ERC1: variants seen among roughly 807,000 people sequenced by gnomAD.
The protein encoded by ERC1 is RAB6 interacting protein 2.
ERC1 carries 56 observed loss-of-function variants against 132.0 expected under a neutral mutation model. The ratio of observed to expected loss-of-function variants is 0.42; its 90% CI spans 0.34 to 0.53. The LOEUF (loss-of-function observed/expected upper bound fraction) is 0.53. Among genes scored for constraint, ERC1 ranks in the 20% least tolerant of loss-of-function variants. ERC1 has a pLI of 0.03. For missense variants in ERC1, 1,202 were observed against 1,349.9 expected, an observed-to-expected ratio of 0.89 and a Z score of 1.72; for synonymous variants, 478 against 476.1, an observed-to-expected ratio of 1.00 and a Z score of -0.05.
rs372223134 is a variant in ERC1, at chr12:1,121,749, C to G, written c.1569+5716C>G. Among the ~76,000 whole-genome samples, 16 of 5,894 alleles carry G rather than the reference C, an allele frequency of 2.7e-3. 3 individuals carry two copies. Among genetic ancestry groups the G allele is most frequent in the Non-Finnish European group, 9.7e-3 (14 of 1,436 alleles). The allele number at this position is 5,894 out of a possible 152,430, so 3.9% of individuals were successfully genotyped here. On this transcript the variant is annotated intron_variant, in intron 7 of 18. Coordinates refer to ENST00000360905, the MANE Select transcript of ERC1 (RefSeq NM_178040.4). The stretch of plus-strand genomic sequence containing the variant: ...TCTCTATCTCTATCTCTATCTATCT[C>G]TATCTCTATCTCTATCTATCTCTAT...
chr12:1,355,044 G>T (rs1014774244), intron 15 of ERC1, among the ~76,000 whole-genome samples: 2 of 152,186 alleles, frequency 1.3e-5, no homozygotes, highest in African/African-American at 4.8e-5. Context: ...TCCATGATCA[G>T]TTAAGTTTGG....
At chr12:1,147,391 T>G (rs981677463) in intron 8 of ERC1, among the ~76,000 whole-genome samples, 1 of 152,186 alleles carries the variant, frequency 6.6e-6, no homozygotes, top group Non-Finnish European at 1.5e-5. Context: ...TTTATTTTAT[T>G]TTATTGGTAT....
At chr12:1,300,103 G>T (rs1226977716) in intron 15 of ERC1, among the ~76,000 whole-genome samples, 2 of 152,122 alleles carry the variant, frequency 1.3e-5, no homozygotes, top group Non-Finnish European at 2.9e-5. Context: ...GCATGGTAGT[G>T]GTAGTAAAGC....
In ERC1 at chr12:1,490,823, G is replaced by T. The variant is rs116475124; in HGVS notation, c.*593G>T. The stretch of plus-strand genomic sequence containing the variant: ...CTTTGTACCGGGGAGCTGTGAGCAG[G>T]CCTCACGATGGCTTGGGAGCACTCG... On this transcript the variant is annotated 3_prime_UTR_variant, in exon 19 of 19. Transcript: ENST00000360905. The T allele has an allele frequency of 6.1e-3, 1,415 of 233,370 alleles. 21 individuals are homozygous for T. Among genetic ancestry groups the T allele is most frequent in the African/African-American group, 0.029 (1,313 of 45,426 alleles). The allele number at this position is 233,370 out of a possible 1,614,324, so 14.5% of individuals were successfully genotyped here.
chr12:1,193,996 G>T (rs532110617), intron 12 of ERC1, among the ~76,000 whole-genome samples: 1 of 152,188 alleles, frequency 6.6e-6, no homozygotes, highest in Non-Finnish European at 1.5e-5. Flanking sequence ...AAAGTCGTTA[G>T]ATAAGTAAAT....
intron 15 of ERC1, among the ~76,000 whole-genome samples, chr12:1,335,429 T>G (rs1350973762): frequency 1.3e-5 from 2 of 152,256 alleles, no homozygotes; most frequent in Non-Finnish European, 2.9e-5. Context: ...TTGAGAGTTT[T>G]TAACATGAAG....
intron 17 of ERC1, among the ~76,000 whole-genome samples, chr12:1,424,021 C>T (rs747551023): frequency 1.3e-5 from 2 of 151,460 alleles, no homozygotes; most frequent in African/African-American, 2.4e-5. Context: ...AATATGGTTT[C>T]GTGTGTGTAT....
chr12:1,076,397 CTTT>C (rs71293129), intron 2 of ERC1, among the ~76,000 whole-genome samples: 1 of 131,016 alleles, frequency 7.6e-6, no homozygotes. Context: ...TTTTCTTTTT[CTTT>C]TTTTTTTTTT....
At chr12:1,434,657 G>A (rs2092901574) in intron 17 of ERC1, among the ~76,000 whole-genome samples, 1 of 152,170 alleles carries the variant, frequency 6.6e-6, no homozygotes, top group Admixed American at 6.5e-5. Flanking sequence ...CCTGTGTTCG[G>A]AGCAGAGGGA....
intron 12 of ERC1, among the ~76,000 whole-genome samples, chr12:1,236,359 T>C (rs2075412220): frequency 6.6e-6 from 1 of 152,192 alleles, no homozygotes; most frequent in African/African-American, 2.4e-5. Flanking sequence ...TTTGAAATAT[T>C]TAATAATGGT....
At chr12:1,486,715 G>T (rs1341302889) in intron 18 of ERC1, among the ~76,000 whole-genome samples, 1 of 151,884 alleles carries the variant, frequency 6.6e-6, no homozygotes, top group Admixed American at 6.6e-5. Flanking sequence ...GTGAGCCACC[G>T]CACCCGGCTG....
intron 13 of ERC1, among the ~76,000 whole-genome samples, chr12:1,260,230 T>G (rs1231637283): frequency 2.0e-5 from 3 of 152,206 alleles, no homozygotes; most frequent in African/African-American, 7.2e-5. Flanking sequence ...TTGTTTTCCC[T>G]TAGAGTTTTG....
chr12:1,204,567 A>G, intron 12 of ERC1: 2 of 1,493,022 alleles, frequency 1.3e-6, no homozygotes, highest in Non-Finnish European at 1.8e-6. Flanking sequence ...GTTTGCGAAT[A>G]TTGTCTTGAA....
intron 17 of ERC1, among the ~76,000 whole-genome samples, chr12:1,417,705 CA>C (rs1440994069): frequency 6.7e-6 from 1 of 148,426 alleles, no homozygotes; most frequent in Non-Finnish European, 1.5e-5. Context: ...CACTTTAACG[CA>C]GGAGACAAAG....
In ERC1 at chr12:1,299,035, C is replaced by T. The variant is rs146290418; in HGVS notation, c.2780+9023C>T. Among the ~76,000 whole-genome samples the T allele has an allele frequency of 5.2e-3, 783 of 152,010 alleles. 10 individuals are homozygous for T. Among genetic ancestry groups the T allele is most frequent in the African/African-American group, 0.018 (754 of 41,468 alleles). ...GCTTCAAAATTCATGAAGGACAGAC[C>T]GACAGAACTAAAGGTAAAACAAATC... On this transcript the variant is annotated intron_variant, in intron 15 of 18. Coordinates refer to ENST00000360905, the MANE Select transcript of ERC1 (RefSeq NM_178040.4).
intron 9 of ERC1, 138 bp downstream of exon 9, chr12:1,180,815 GA>G: frequency 9.7e-7 from 1 of 1,028,874 alleles, no homozygotes; most frequent in South Asian, 1.6e-5. Flanking sequence ...TACGTAGTGT[GA>G]AGGGAAACAT....
intron 16 of ERC1, among the ~76,000 whole-genome samples, chr12:1,392,664 G>A (rs1018636967): frequency 2.0e-4 from 31 of 151,858 alleles, no homozygotes; most frequent in African/African-American, 6.3e-4. Flanking sequence ...GTATATTTCT[G>A]GAAATCAAAG....
At chr12:1,185,561 G>C (rs1954988997) in intron 11 of ERC1, among the ~76,000 whole-genome samples, 1 of 151,720 alleles carries the variant, frequency 6.6e-6, no homozygotes, top group African/African-American at 2.4e-5. Flanking sequence ...CTGGAATAGT[G>C]TGGAGCCACT....
chr12:1,463,008 A>C (rs936718605), intron 18 of ERC1, among the ~76,000 whole-genome samples: 3 of 152,200 alleles, frequency 2.0e-5, no homozygotes, highest in Non-Finnish European at 4.4e-5. Context: ...TTCATCAGCC[A>C]GCCCCTCTGT....
Sources: allele counts gnomAD v4.1 joint callset (sites outside exome capture counted in the v4.1 genomes callset), GRCh38; gene constraint gnomAD v4.1.1; transcripts MANE v1.5; gene names NCBI Gene and HGNC (gene_info 2026-07-23, HGNC 2026-07-21).